The following MVB12A variants were observed in gnomAD, a reference collection of about 807,000 sequenced individuals.
MVB12A encodes multivesicular body subunit 12A.
MVB12A carries 30 observed loss-of-function variants against 34.3 expected under a neutral mutation model. That is an observed-to-expected ratio of 0.88 (90% CI 0.65 to 1.19). The LOEUF (loss-of-function observed/expected upper bound fraction) is 1.19. Ranked by LOEUF, MVB12A falls within the 50% of genes most tolerant of loss-of-function variation. The pLI, the probability that MVB12A is intolerant of heterozygous loss-of-function variation, is 0.00. For missense variants in MVB12A, 355 were observed against 369.2 expected (o/e 0.96, Z 0.31); for synonymous variants, 158 against 158.9 (o/e 0.99, Z 0.04).
upstream of MVB12A, chr19:17,416,970 G>C (rs1190464166): frequency 3.8e-6 from 1 of 264,374 alleles, no homozygotes; most frequent in African/African-American, 2.3e-5. Flanking sequence ...TGGGATTACA[G>C]GAGTGAGCCA....
chr19:17,410,511 T>A, intron 2 of MVB12A, among the ~76,000 whole-genome samples: 1 of 88,854 alleles, frequency 1.1e-5, no homozygotes, highest in East Asian at 3.1e-4. Context: ...TATATATATA[T>A]ATATATATAT....
At chr19:17,419,557 G>C (rs2074821875), upstream of MVB12A, 1 of 152,220 alleles carries the variant, frequency 6.6e-6, no homozygotes, top group African/African-American at 2.4e-5. Flanking sequence ...TTTCCTTTGG[G>C]ATGATTTCCC....
chr19:17,410,510 A>G (rs1196798071), intron 2 of MVB12A, among the ~76,000 whole-genome samples: 6 of 54,062 alleles, frequency 1.1e-4, no homozygotes, highest in African/African-American at 3.6e-4. Flanking sequence ...ATATATATAT[A>G]TATATATATA....
Position 17,405,747 on chromosome 19 carries a change from T to C in MVB12A, c.-249T>C, listed in dbSNP as rs1599595394. The C allele has an allele frequency of 2.4e-5, 13 of 549,468 alleles. No homozygotes were observed. In the East Asian group the frequency reaches 4.2e-4, roughly 18 times the overall value. The allele number at this position is 549,468 out of a possible 1,614,324, so 34.0% of individuals were successfully genotyped here. A position where few individuals can be genotyped will look rare whatever the true frequency, so the allele number is the denominator to read the frequency against. Reference sequence around the variant, plus strand: ...TACAGGCAGAGGATTAATTAGGTTTTCAGTTTCAGTTTCCCAGAAAGGAGG... The same window carrying C: ...TACAGGCAGAGGATTAATTAGGTTTCCAGTTTCAGTTTCCCAGAAAGGAGG... On this transcript the variant is annotated 5_prime_UTR_variant, in exon 1 of 7. Coordinates refer to the MVB12A transcript ENST00000528604.
intron 2 of MVB12A, among the ~76,000 whole-genome samples, chr19:17,410,762 C>T (rs1026344899): frequency 2.3e-4 from 34 of 145,442 alleles, no homozygotes; most frequent in Admixed American, 1.5e-3. Context: ...AACCCTGTCT[C>T]TACTAAAAAT....
Position 17,423,636 on chromosome 19 carries a change from G to C in MVB12A, c.533+19G>C. The C allele has an allele frequency of 6.2e-7, 1 of 1,613,634 alleles. No individual in the cohort carries two copies. The highest frequency in any genetic ancestry group is 8.5e-7 in the Non-Finnish European group (1 of 1,179,768). On this transcript the variant is annotated intron_variant, in intron 5 of 8. Transcript: ENST00000317040. ...AGCCAAGGTGAGTCCTCAGGCACCG[G>C]AGTGGGGGTGGCCGTTGTGGGAGGA...
intron 2 of MVB12A, among the ~76,000 whole-genome samples, chr19:17,412,587 G>A (rs1222662273): frequency 6.6e-6 from 1 of 152,094 alleles, no homozygotes; most frequent in Non-Finnish European, 1.5e-5. Flanking sequence ...TTCTTATAGC[G>A]GGGGTGTGAT....
intron 2 of MVB12A, among the ~76,000 whole-genome samples, chr19:17,408,910 C>G (rs1353672599): frequency 7.0e-6 from 1 of 142,892 alleles, no homozygotes; most frequent in Non-Finnish European, 1.5e-5. Context: ...ATCACTACAA[C>G]CTCTGCCTCC....
upstream of MVB12A, chr19:17,419,873 G>T: frequency 3.0e-6 from 1 of 337,738 alleles, no homozygotes; most frequent in East Asian, 4.6e-5. Flanking sequence ...TGCTGGGCGC[G>T]GAAAGCCGGC....
upstream of MVB12A, among the ~76,000 whole-genome samples, chr19:17,418,557 T>C (rs117149335): frequency 1.3e-5 from 2 of 151,404 alleles, no homozygotes; most frequent in Non-Finnish European, 2.9e-5. Flanking sequence ...CACGCCTGGA[T>C]AGTTTTTTGT....
chr19:17,405,777 C>CT (rs28413175), intron 1 of MVB12A: 422,331 of 456,466 alleles, frequency 0.93, 197,280 homozygotes, highest in Non-Finnish European at 0.97. Context: ...AGGAGGTGGG[C>CT]TTTTTTTTCA....
At chr19:17,410,496 T>TTATATATGTGTGTGTATATATATA in intron 2 of MVB12A, among the ~76,000 whole-genome samples, 1 of 31,514 alleles carries the variant, frequency 3.2e-5, no homozygotes, top group African/African-American at 1.0e-4. Context: ...GGTTTTAGCT[T>TTATATATGTGTGTGTATATATATA]CATATATATA....
At chr19:17,410,529 T>TACACACAC (rs1185077317) in intron 2 of MVB12A, among the ~76,000 whole-genome samples, 3 of 74,440 alleles carry the variant, frequency 4.0e-5, no homozygotes, top group African/African-American at 2.0e-4. Flanking sequence ...TATATATATA[T>TACACACAC]ACACACACAC....
At chr19:17,424,204 AG>A in intron 7 of MVB12A, 137 bp downstream of exon 7, 4 of 804,064 alleles carry the variant, frequency 5.0e-6, no homozygotes, top group Non-Finnish European at 4.1e-6. Context: ...TCCAGGTGGC[AG>A]CTGGAAGGTC....
chr19:17,409,406 C>T (rs2074749490), intron 2 of MVB12A, among the ~76,000 whole-genome samples: 1 of 149,154 alleles, frequency 6.7e-6, no homozygotes, highest in Non-Finnish European at 1.5e-5. Flanking sequence ...GCTGGGATTA[C>T]AGGCATGAGC....
upstream of MVB12A, chr19:17,419,427 G>A (rs554159872): frequency 3.3e-5 from 5 of 152,244 alleles, no homozygotes; most frequent in East Asian, 9.6e-4. Flanking sequence ...TCTTTTATAC[G>A]TCGCTTTTTA....
At chr19:17,410,697 G>A (rs2074763767) in intron 2 of MVB12A, among the ~76,000 whole-genome samples, 2 of 146,816 alleles carry the variant, frequency 1.4e-5, no homozygotes, top group Non-Finnish European at 3.0e-5. Flanking sequence ...TGGAGGCTGA[G>A]GCGGGTGGAT....
chr19:17,417,872 G>T, upstream of MVB12A: 1 of 318,600 alleles, frequency 3.1e-6, no homozygotes, highest in South Asian at 2.9e-5. Flanking sequence ...AAATTGACAG[G>T]GACCTCTGGG....
At position 17,423,824 on chromosome 19, in the gene MVB12A, G is replaced by A. The variant is rs370742070; in HGVS notation, c.640+25G>A. On this transcript the variant is annotated intron_variant, in intron 6 of 8. Coordinates refer to ENST00000317040, the MANE Select transcript of MVB12A (RefSeq NM_138401.4). Reference sequence around the variant, plus strand: ...GGTGAGCACAGAGTGGGGAAACTGAGGCGTGGAAGTGGAGGGTGTGACTGT... The same window carrying A: ...GGTGAGCACAGAGTGGGGAAACTGAAGCGTGGAAGTGGAGGGTGTGACTGT... 1.1e-5 allele frequency: 18 copies of A among 1,608,576 alleles called. 1 individual carries two copies. Among genetic ancestry groups the A allele is most frequent in the Non-Finnish European group, 1.4e-5 (17 of 1,175,442 alleles).
Sources: allele counts gnomAD v4.1 joint callset (sites outside exome capture counted in the v4.1 genomes callset), GRCh38; gene constraint gnomAD v4.1.1; transcripts MANE v1.5; gene names NCBI Gene and HGNC (gene_info 2026-07-23, HGNC 2026-07-21).